The following DST variants were observed in gnomAD, a reference collection of about 807,000 sequenced individuals.
DST encodes the protein dystonin, also known as bullous pemphigoid antigen.
In DST, 253 loss-of-function variants were observed where a neutral mutation model predicts 875.2. The ratio of observed to expected loss-of-function variants is 0.29; its 90% CI spans 0.26 to 0.32. The LOEUF is 0.32. DST is among the 10% of genes least tolerant of loss of function. DST has a pLI of 1.00. For missense variants in DST, 8,287 were observed against 9,111.6 expected, an observed-to-expected ratio of 0.91 and a Z score of 3.68; for synonymous variants, 3,124 against 3,197.1, an observed-to-expected ratio of 0.98 and a Z score of 0.77.
chr6:56,649,251 CTGTT>C (rs1432969590), intron 12 of DST, among the ~76,000 whole-genome samples: 5 of 152,142 alleles, frequency 3.3e-5, no homozygotes, highest in Non-Finnish European at 7.3e-5. Flanking sequence ...GCCAACTGCT[CTGTT>C]TAAGTATTTG....
intron 10 of DST, among the ~76,000 whole-genome samples, chr6:56,657,673 C>A (rs1436565710): frequency 6.6e-6 from 1 of 152,092 alleles, no homozygotes; most frequent in Non-Finnish European, 1.5e-5. Flanking sequence ...GATGGTTGTA[C>A]AACAAAGTAA....
chr6:56,615,775 C>A lies in DST; in HGVS notation c.4930-1291G>T, dbSNP rs1020828510. On this transcript the variant is annotated intron_variant, in intron 36 of 103. Transcript: ENST00000680361. ...GAGAGTGAACCTGTGGCTCTATCAA[C>A]CCTCCTGTCAAGTACTGAAATTCCA... The A allele has an allele frequency of 1.2e-6, 2 of 1,614,178 alleles. No homozygotes were observed. The highest frequency in any genetic ancestry group is 3.3e-5 in the Admixed American group (2 of 60,016).
At chr6:56,516,298 A>T (rs1335943981) in intron 71 of DST, among the ~76,000 whole-genome samples, 1 of 152,174 alleles carries the variant, frequency 6.6e-6, no homozygotes, top group Non-Finnish European at 1.5e-5. Flanking sequence ...ATAAACTCAT[A>T]GCAAAAACTA....
chr6:56,506,617 GT>G (rs1255711652), intron 76 of DST, 49 bp downstream of exon 76: 2 of 1,609,474 alleles, frequency 1.2e-6, no homozygotes, highest in East Asian at 4.5e-5. Context: ...AAATATTTTA[GT>G]TAACTAAAAA....
Position 56,949,442 on chromosome 6 carries a change from G to GAAACGGCACAGCAGTTGA in DST, c.216+4342_216+4343insTCAACTGCTGTGCCGTTT, listed in dbSNP as rs1821263161. On this transcript the variant is annotated intron_variant, in intron 2 of 103. Transcript: ENST00000680361. ...TCATTGCATTTGTGATTCATAGTTG[G>GAAACGGCACAGCAGTTGA]AAACGGCACAGCAGTTCAGTTAGCA... Among the ~76,000 whole-genome samples the GAAACGGCACAGCAGTTGA allele has an allele frequency of 2.0e-5, 3 of 152,220 alleles. No individual in the cohort carries two copies. The South Asian group carries it at 6.2e-4, about 32-fold the overall frequency.
Position 56,646,047 on chromosome 6 carries a change from AAAGACTATGCTTGACAATAC to A in DST, c.1650+20_1650+39del. 4 of 1,588,302 alleles carry A rather than the reference AAAGACTATGCTTGACAATAC, an allele frequency of 2.5e-6. No individual in the cohort carries two copies. The highest frequency in any genetic ancestry group is 3.4e-6 in the Non-Finnish European group (4 of 1,167,382). On this transcript the variant is annotated intron_variant, in intron 14 of 103. Coordinates refer to ENST00000680361, the MANE Select transcript of DST (RefSeq NM_001374736.1). The stretch of plus-strand genomic sequence containing the variant: ...AGCAAAAATGAAAACAAAACAAAAC[AAAGACTATGCTTGACAATAC>A]AAAGCAAATTTGAGCTTACCTCTAA...
At chr6:56,463,491 A>G in intron 101 of DST, 74 bp downstream of exon 101, 3 of 1,350,460 alleles carry the variant, frequency 2.2e-6, no homozygotes, top group South Asian at 2.9e-5. Context: ...CTAGGGCCCT[A>G]AATAGAACAT....
intron 4 of DST, among the ~76,000 whole-genome samples, chr6:56,801,449 A>G (rs2099746730): frequency 6.6e-6 from 1 of 152,210 alleles, no homozygotes; most frequent in Non-Finnish European, 1.5e-5. Context: ...AACTGTTTTC[A>G]TACTGGGAGT....
intron 4 of DST, among the ~76,000 whole-genome samples, chr6:56,770,308 GGCCTC>G (rs74457808): frequency 1.6e-4 from 25 of 152,290 alleles, no homozygotes; most frequent in East Asian, 1.2e-3. Flanking sequence ...TTGACTCCCA[GGCCTC>G]ATGGTATTGG....
At chr6:56,568,377 T>C in intron 55 of DST, 92 bp downstream of exon 55, 2 of 1,365,124 alleles carry the variant, frequency 1.5e-6, no homozygotes, top group African/African-American at 2.9e-5. Context: ...CTGAGGTTAT[T>C]TTATGCATTA....
chr6:56,607,012 G>A lies in DST; in HGVS notation c.7616C>T (p.Pro2539Leu). 1.2e-6 allele frequency: 2 copies of A among 1,613,336 alleles called. No individual in the cohort carries two copies. Among genetic ancestry groups the A allele is most frequent in the Non-Finnish European group, 1.7e-6 (2 of 1,179,600 alleles). The change falls in exon 40 of 104, where the codon CCA becomes CTA. Residue 2539 changes from proline (P) to leucine (L), a missense_variant. Physicochemically the swap from Pro to Leu is moderately conservative, Grantham distance 98. Transcript: ENST00000680361. ...NTSGEDEKTH[P>L]GFQQMPEDKE... ...GTCTTCAGGCATCTGCTGAAAACCTGGATGTGTTTTTTCATCCTCACCAGA... is the reference window on the plus strand; with the variant it reads ...GTCTTCAGGCATCTGCTGAAAACCTAGATGTGTTTTTTCATCCTCACCAGA...
chr6:56,761,989 A>G (rs2099618265), intron 4 of DST, among the ~76,000 whole-genome samples: 1 of 151,906 alleles, frequency 6.6e-6, no homozygotes, highest in Non-Finnish European at 1.5e-5. Flanking sequence ...CTGCCTCATC[A>G]TGGCACAGAT....
At chr6:56,944,482 G>C (rs1436601707) in intron 2 of DST, among the ~76,000 whole-genome samples, 1 of 151,414 alleles carries the variant, frequency 6.6e-6, no homozygotes. Context: ...GAGTATTTTT[G>C]TTTTTGTTGG....
chr6:56,556,797 TCTAA>T (rs765175534), intron 59 of DST, among the ~76,000 whole-genome samples: 2 of 152,158 alleles, frequency 1.3e-5, no homozygotes, highest in South Asian at 4.1e-4. Context: ...ACTAGACTAG[TCTAA>T]CTAACACCCT....
Position 56,606,104 on chromosome 6 carries a change from A to G in DST, c.8524T>C (p.Ser2842Pro), listed in dbSNP as rs2098494402. Residue 2842 changes from serine (S) to proline (P), a missense_variant, in exon 40 of 104, where the codon TCT (serine) becomes CCT (proline). Physicochemically the swap from Ser to Pro is moderately conservative, Grantham distance 74 (BLOSUM62 -1). This residue lies in a region of DST where 3,138 missense variants were observed against 3,116.6 expected (regional missense o/e 1.01). Transcript: ENST00000680361. ...AEDMDIQLCASILNENSDENE... is the reference protein window; with the variant it reads ...AEDMDIQLCAPILNENSDENE... ...TCATCACTGTTTTCATTTAAAATAG[A>G]GGCACACAACTGGATATCCATATCT... The G allele has an allele frequency of 6.2e-7, 1 of 1,612,716 alleles. No homozygotes were observed. Among genetic ancestry groups the G allele is most frequent in the Non-Finnish European group, 8.5e-7 (1 of 1,179,200 alleles).
At chr6:56,767,346 A>T (rs571330990) in intron 4 of DST, among the ~76,000 whole-genome samples, 3 of 152,188 alleles carry the variant, frequency 2.0e-5, no homozygotes, top group African/African-American at 2.4e-5. Flanking sequence ...GCAGGGAGTG[A>T]TGGCTTACAT....
intron 4 of DST, among the ~76,000 whole-genome samples, chr6:56,792,199 C>T (rs955626214): frequency 6.6e-6 from 1 of 150,602 alleles, no homozygotes; most frequent in African/African-American, 2.4e-5. Flanking sequence ...ACAACAATGA[C>T]ATTAAAGAAG....
At chr6:56,555,927 T>C in intron 59 of DST, 87 bp from the exon 60 acceptor site, 1 of 1,294,120 alleles carries the variant, frequency 7.7e-7, no homozygotes, top group South Asian at 2.2e-5. Context: ...ACAGAAATGG[T>C]AATTATTTCT....
chr6:56,954,611 T>C lies in DST; in HGVS notation c.-24A>G. On this transcript the variant is annotated 5_prime_UTR_variant, in exon 1 of 104. Coordinates refer to ENST00000680361, the MANE Select transcript of DST (RefSeq NM_001374736.1). ...ATGGTGCGGGCGAGGCGAGGGCGAC[T>C]CGACGGCGGGGCTGGAGGGCGGCGG... 7.6e-7 allele frequency: 1 copy of C among 1,319,490 alleles called. No homozygotes were observed. The highest frequency in any genetic ancestry group is 1.0e-6 in the Non-Finnish European group (1 of 997,676). 81.7% of individuals were successfully genotyped at this position (1,319,490 alleles called of 1,614,324 possible).
Sources: allele counts gnomAD v4.1 joint callset (sites outside exome capture counted in the v4.1 genomes callset), GRCh38; gene constraint gnomAD v4.1.1; regional missense constraint gnomAD v4.1.1; transcripts MANE v1.5; gene names NCBI Gene and HGNC (gene_info 2026-07-23, HGNC 2026-07-21).